The following TRDN variants were observed in gnomAD, a reference collection of about 807,000 sequenced individuals.
TRDN encodes triadin, also known as triadin in skeletal muscle.
TRDN carries 161 observed loss-of-function variants against 149.7 expected under a neutral mutation model. The ratio of observed to expected loss-of-function variants is 1.08; its 90% CI spans 0.95 to 1.23. The LOEUF is 1.23. TRDN is among the 50% of genes most tolerant of loss of function. The pLI, the probability that TRDN is intolerant of heterozygous loss-of-function variation, is 0.00. For missense variants in TRDN, 896 were observed against 823.5 expected (o/e 1.09, Z -1.08); for synonymous variants, 294 against 250.5 (o/e 1.17, Z -1.64).
intron 9 of TRDN, among the ~76,000 whole-genome samples, chr6:123,492,223 A>T (rs1450900462): frequency 6.6e-6 from 1 of 152,212 alleles, no homozygotes; most frequent in Non-Finnish European, 1.5e-5. Context: ...TCTTGGCTCA[A>T]GTAAAAGTCA....
chr6:123,606,171 G>A (rs1164587331), intron 1 of TRDN, among the ~76,000 whole-genome samples: 5 of 152,068 alleles, frequency 3.3e-5, no homozygotes, highest in African/African-American at 7.2e-5. Flanking sequence ...GAGAAAGACC[G>A]TAAGGAGATT....
chr6:123,623,585 T>C (rs1185012487), intron 1 of TRDN, among the ~76,000 whole-genome samples: 4 of 152,164 alleles, frequency 2.6e-5, no homozygotes, highest in African/African-American at 4.8e-5. Flanking sequence ...CTTGGTTCAC[T>C]GAACCCAAGA....
intron 1 of TRDN, among the ~76,000 whole-genome samples, chr6:123,598,490 A>C (rs956828206): frequency 6.6e-6 from 1 of 152,090 alleles, no homozygotes; most frequent in African/African-American, 2.4e-5. Context: ...TGTATACTCC[A>C]GCAAACCCAA....
chr6:123,560,021 C>T (rs778786603), intron 2 of TRDN, among the ~76,000 whole-genome samples: 2 of 152,182 alleles, frequency 1.3e-5, no homozygotes, highest in Admixed American at 6.5e-5. Context: ...TGACTTCAGT[C>T]TAGTCAGAAT....
chr6:123,582,363 CA>C (rs1289143620), intron 1 of TRDN, among the ~76,000 whole-genome samples: 5 of 152,046 alleles, frequency 3.3e-5, no homozygotes, highest in African/African-American at 4.8e-5. Flanking sequence ...AAGAGACCAC[CA>C]AACAGGCTTT....
intron 2 of TRDN, among the ~76,000 whole-genome samples, chr6:123,551,043 A>G (rs1229111058): frequency 6.6e-6 from 1 of 151,610 alleles, no homozygotes; most frequent in Admixed American, 6.6e-5. Context: ...TACCTAATGG[A>G]AAAATCTGCA....
At chr6:123,358,477 T>A (rs1780773160) in intron 20 of TRDN, among the ~76,000 whole-genome samples, 1 of 152,112 alleles carries the variant, frequency 6.6e-6, no homozygotes, top group East Asian at 1.9e-4. Context: ...AGGTACTTTT[T>A]TTTTTTTATG....
chr6:123,270,238 G>A (rs899497155), intron 30 of TRDN, among the ~76,000 whole-genome samples: 2 of 151,970 alleles, frequency 1.3e-5, no homozygotes, highest in Non-Finnish European at 2.9e-5. Context: ...TTAGGCAGTG[G>A]TCGGAAGAAA....
intron 24 of TRDN, among the ~76,000 whole-genome samples, chr6:123,291,311 G>T (rs9388208): frequency 0.18 from 27,899 of 151,814 alleles, 3,383 homozygotes; most frequent in East Asian, 0.62. Context: ...ACGCCTGTAA[G>T]CCCAGCACTT....
intron 12 of TRDN, among the ~76,000 whole-genome samples, chr6:123,393,987 T>G (rs2114462821): frequency 6.6e-6 from 1 of 152,284 alleles, no homozygotes; most frequent in South Asian, 2.1e-4. Flanking sequence ...CAGAATTCTA[T>G]TTAAATTATG....
chr6:123,560,638 C>G (rs1344552399), intron 2 of TRDN, among the ~76,000 whole-genome samples: 1 of 152,164 alleles, frequency 6.6e-6, no homozygotes, highest in Non-Finnish European at 1.5e-5. Flanking sequence ...AAAAAAGCAG[C>G]TAGCATTCCA....
chr6:123,271,705 T>C (rs1474450730), intron 29 of TRDN, among the ~76,000 whole-genome samples: 3 of 151,950 alleles, frequency 2.0e-5, no homozygotes, highest in Non-Finnish European at 4.4e-5. Flanking sequence ...GATGTTTGGG[T>C]CAAAGTAAAG....
chr6:123,514,855 C>T (rs1779346441), intron 6 of TRDN, among the ~76,000 whole-genome samples: 1 of 151,924 alleles, frequency 6.6e-6, no homozygotes, highest in African/African-American at 2.4e-5. Flanking sequence ...ACTGCATGTT[C>T]TCACTCATAA....
chr6:123,563,413 A>G (rs1425915796), intron 2 of TRDN, among the ~76,000 whole-genome samples: 6 of 152,222 alleles, frequency 3.9e-5, no homozygotes, highest in Non-Finnish European at 8.8e-5. Context: ...AAATTAGGGC[A>G]TCATATTGTA....
Position 123,216,444 on chromosome 6 carries a change from C to T in TRDN, c.*2157G>A, listed in dbSNP as rs1001537884. On this transcript the variant is annotated 3_prime_UTR_variant, in exon 41 of 41. Transcript: ENST00000334268. ...TCATTGTAACTTTAATCAGATAAAA[C>T]GTAATTATTATTAACATTTTTACAT... is the stretch of plus-strand genomic sequence containing the variant. The T allele has an allele frequency of 3.3e-5, 5 of 151,604 alleles. No individual in the cohort carries two copies. Among genetic ancestry groups the T allele is most frequent in the African/African-American group, 4.8e-5 (2 of 41,304 alleles). 9.4% of individuals were successfully genotyped at this position (151,604 alleles called of 1,614,324 possible). A position where few individuals can be genotyped will look rare whatever the true frequency, so the allele number is the denominator to read the frequency against.
intron 24 of TRDN, among the ~76,000 whole-genome samples, chr6:123,281,925 G>C (rs1777596486): frequency 6.6e-6 from 1 of 151,996 alleles, no homozygotes; most frequent in South Asian, 2.1e-4. Flanking sequence ...ACATGTGGAA[G>C]TCCAGACGCC....
chr6:123,582,307 G>A (rs1348794408), intron 1 of TRDN, among the ~76,000 whole-genome samples: 2 of 152,134 alleles, frequency 1.3e-5, no homozygotes, highest in East Asian at 3.9e-4. Flanking sequence ...AGACAGGTGT[G>A]TCTGGGTTAA....
intron 33 of TRDN, among the ~76,000 whole-genome samples, chr6:123,262,766 G>C (rs1776817357): frequency 6.6e-6 from 1 of 151,942 alleles, no homozygotes; most frequent in South Asian, 2.1e-4. Context: ...TATTACATCT[G>C]TTATGGTGGT....
chr6:123,308,311 G>A (rs557175956), intron 24 of TRDN, among the ~76,000 whole-genome samples: 2 of 147,802 alleles, frequency 1.4e-5, no homozygotes, highest in South Asian at 4.2e-4. Flanking sequence ...GAGTAGTGCT[G>A]TGATGAACAT....
Sources: gnomAD v4.1 joint callset for allele counts (sites outside exome capture counted in the v4.1 genomes callset) on GRCh38, gnomAD v4.1.1 for gene constraint, MANE v1.5 for transcripts, NCBI Gene and HGNC (gene_info 2026-07-23, HGNC 2026-07-21) for gene names.